Variants in P2RY14 observed in about 807,000 individuals in gnomAD.
P2RY14 encodes the protein P2Y purinoceptor 14.
P2RY14 carries 2 observed loss-of-function variants against 0.9 expected under a neutral mutation model. The ratio of observed to expected loss-of-function variants is 2.16; its 90% CI spans 0.88 to 6.79. P2RY14 has a LOEUF of 6.79. Among genes scored for constraint, P2RY14 ranks in the 30% most tolerant of loss-of-function variants. P2RY14 has a pLI of 0.05. For synonymous variants in P2RY14, 158 were observed against 147.2 expected, an observed-to-expected ratio of 1.07 and a Z score of -0.53; for missense variants, 378 against 400.1, an observed-to-expected ratio of 0.94 and a Z score of 0.47.
At chr3:151,234,831 A>G (rs1448353515) in intron 1 of P2RY14, among the ~76,000 whole-genome samples, 1 of 152,174 alleles carries the variant, frequency 6.6e-6, no homozygotes, top group Non-Finnish European at 1.5e-5. Flanking sequence ...CAAGTTCCTT[A>G]GTCAGGGGTC....
At chr3:151,223,735 T>C (rs1347245385) in intron 1 of P2RY14, among the ~76,000 whole-genome samples, 1 of 152,162 alleles carries the variant, frequency 6.6e-6, no homozygotes, top group East Asian at 1.9e-4. Flanking sequence ...TACTCTTGGG[T>C]TTTGTGTTCA....
intron 1 of P2RY14, among the ~76,000 whole-genome samples, chr3:151,247,778 A>G (rs1735954074): frequency 6.6e-6 from 1 of 151,500 alleles, no homozygotes; most frequent in African/African-American, 2.4e-5. Flanking sequence ...AAAAAGCAAA[A>G]AAAAAATGAA....
chr3:151,276,165 T>C (rs190574167), intron 1 of P2RY14, among the ~76,000 whole-genome samples: 2 of 152,254 alleles, frequency 1.3e-5, no homozygotes, highest in African/African-American at 4.8e-5. Flanking sequence ...CAAAACTGAA[T>C]GTGCAACAGA....
At chr3:151,251,438 C>A (rs1336299528) in intron 1 of P2RY14, among the ~76,000 whole-genome samples, 1 of 152,068 alleles carries the variant, frequency 6.6e-6, no homozygotes, top group Non-Finnish European at 1.5e-5. Context: ...AACCTCAGGT[C>A]ATTTTTTGTC....
intron 1 of P2RY14, among the ~76,000 whole-genome samples, chr3:151,277,719 T>G (rs1742127287): frequency 6.6e-6 from 1 of 152,234 alleles, no homozygotes; most frequent in Admixed American, 6.5e-5. Flanking sequence ...AAATATTTGC[T>G]ATGCCTAGGA....
At chr3:151,262,620 A>T (rs182069490) in intron 1 of P2RY14, among the ~76,000 whole-genome samples, 2 of 152,240 alleles carry the variant, frequency 1.3e-5, no homozygotes, top group African/African-American at 4.8e-5. Flanking sequence ...TGCATGGGCA[A>T]TGTAAATACA....
intron 1 of P2RY14, among the ~76,000 whole-genome samples, chr3:151,227,023 C>T (rs1164413354): frequency 6.6e-6 from 1 of 152,168 alleles, no homozygotes; most frequent in Non-Finnish European, 1.5e-5. Context: ...TGCTGTTTGT[C>T]ACCTTCAGCC....
chr3:151,238,916 G>A (rs763116867), intron 1 of P2RY14, among the ~76,000 whole-genome samples: 16 of 152,102 alleles, frequency 1.1e-4, no homozygotes, highest in Non-Finnish European at 2.1e-4. Flanking sequence ...TTACTTGATC[G>A]AATGACAAAC....
chr3:151,257,479 CCT>C (rs1444268023), intron 1 of P2RY14, among the ~76,000 whole-genome samples: 3 of 152,244 alleles, frequency 2.0e-5, no homozygotes, highest in African/African-American at 7.2e-5. Flanking sequence ...CATTACTTAA[CCT>C]CTCTGTGCTT....
At chr3:151,268,776 G>A (rs1268477117) in intron 1 of P2RY14, among the ~76,000 whole-genome samples, 1 of 152,108 alleles carries the variant, frequency 6.6e-6, no homozygotes, top group Non-Finnish European at 1.5e-5. Context: ...CAGATGAAAT[G>A]GAGGAATCAA....
At chr3:151,235,015 GT>G (rs1193080208) in intron 1 of P2RY14, among the ~76,000 whole-genome samples, 1 of 152,180 alleles carries the variant, frequency 6.6e-6, no homozygotes, top group South Asian at 2.1e-4. Flanking sequence ...GCTCAGGCGT[GT>G]TTTTTTGTAT....
intron 2 of P2RY14, among the ~76,000 whole-genome samples, chr3:151,218,977 A>G (rs1366128040): frequency 1.3e-5 from 2 of 151,420 alleles, no homozygotes; most frequent in African/African-American, 4.8e-5. Flanking sequence ...ATCCAGATAT[A>G]TGAGAATGAA....
intron 1 of P2RY14, among the ~76,000 whole-genome samples, chr3:151,238,915 C>T (rs376458814): frequency 2.6e-5 from 4 of 152,072 alleles, no homozygotes; most frequent in East Asian, 3.9e-4. Context: ...TTTACTTGAT[C>T]GAATGACAAA....
chr3:151,273,896 A>C (rs1741428736), intron 1 of P2RY14, among the ~76,000 whole-genome samples: 1 of 152,210 alleles, frequency 6.6e-6, no homozygotes, highest in South Asian at 2.1e-4. Context: ...CATTCATGTA[A>C]CATTTATTGA....
chr3:151,242,432 C>A (rs1328123111), intron 1 of P2RY14, among the ~76,000 whole-genome samples: 3 of 152,174 alleles, frequency 2.0e-5, no homozygotes, highest in Non-Finnish European at 2.9e-5. Context: ...GATCTGAGAA[C>A]CGGCAGACTG....
chr3:151,273,824 A>G (rs896622380), intron 1 of P2RY14, among the ~76,000 whole-genome samples: 1 of 152,230 alleles, frequency 6.6e-6, no homozygotes, highest in Non-Finnish European at 1.5e-5. Context: ...GAGTGGATTT[A>G]AATAAAACTT....
chr3:151,276,798 C>G (rs1008984042), intron 1 of P2RY14, among the ~76,000 whole-genome samples: 5 of 152,320 alleles, frequency 3.3e-5, no homozygotes, highest in Admixed American at 2.6e-4. Context: ...CGTAATACTT[C>G]AGGAAATTAT....
chr3:151,271,225 T>C (rs995308864), intron 1 of P2RY14, among the ~76,000 whole-genome samples: 2 of 152,260 alleles, frequency 1.3e-5, no homozygotes, highest in Admixed American at 1.3e-4. Context: ...AAACAAATAA[T>C]TCACAAAGGA....
chr3:151,250,740 T>C (rs1439886225), intron 1 of P2RY14, among the ~76,000 whole-genome samples: 1 of 152,202 alleles, frequency 6.6e-6, no homozygotes, highest in Non-Finnish European at 1.5e-5. Context: ...GGTATACAAA[T>C]ATCTGCTTAA....
Sources: allele counts gnomAD v4.1 joint callset (sites outside exome capture counted in the v4.1 genomes callset), GRCh38; gene constraint gnomAD v4.1.1; transcripts MANE v1.5; gene names NCBI Gene and HGNC (gene_info 2026-07-23, HGNC 2026-07-21).